Variants in CIMAP3 observed in about 807,000 individuals in gnomAD.
CIMAP3 encodes ciliary microtubule-associated protein 3.
At chr1:111,338,794 A>G in the CIMAP3 span, among the ~76,000 whole-genome samples, 1 of 152,232 alleles carries the variant, frequency 6.6e-6, no homozygotes, top group South Asian at 2.1e-4. Context: ...AACTGGTACC[A>G]TTCCTTCTGA....
chr1:111,348,519 A>G, the CIMAP3 span: 1 of 1,600,498 alleles, frequency 6.2e-7, no homozygotes, highest in African/African-American at 1.4e-5. Context: ...GAAACAGGAA[A>G]TGACACCTCA....
chr1:111,330,335 G>A, the CIMAP3 span, among the ~76,000 whole-genome samples: 6 of 152,172 alleles, frequency 3.9e-5, no homozygotes, highest in Admixed American at 3.9e-4. Context: ...TAACTGCAGT[G>A]TAGATTGAGT....
the CIMAP3 span, among the ~76,000 whole-genome samples, chr1:111,328,003 T>C: frequency 2.0e-5 from 3 of 152,228 alleles, no homozygotes; most frequent in Non-Finnish European, 2.9e-5. Flanking sequence ...AATTTTCCTT[T>C]TAACGCTACT....
At chr1:111,343,457 T>C in the CIMAP3 span, among the ~76,000 whole-genome samples, 8 of 152,322 alleles carry the variant, frequency 5.3e-5, no homozygotes, top group East Asian at 1.5e-3. Context: ...TACTATAAAA[T>C]GTGCATGATG....
At chr1:111,340,011 C>T in the CIMAP3 span, among the ~76,000 whole-genome samples, 105,227 of 150,646 alleles carry the variant, frequency 0.7, 37,422 homozygotes, top group South Asian at 0.79. Flanking sequence ...AACAGAGATA[C>T]AGATCAATGG....
the CIMAP3 span, chr1:111,348,800 T>C: frequency 1.3e-6 from 1 of 787,738 alleles, no homozygotes; most frequent in Non-Finnish European, 1.9e-6. Context: ...TCTCACAGAT[T>C]TCTGGCATTG....
the CIMAP3 span, among the ~76,000 whole-genome samples, chr1:111,342,713 T>A: frequency 6.6e-6 from 1 of 152,184 alleles, no homozygotes; most frequent in African/African-American, 2.4e-5. Flanking sequence ...CAGGGGCAGA[T>A]CTTCTGCAAG....
chr1:111,329,600 C>A, the CIMAP3 span, among the ~76,000 whole-genome samples: 1 of 142,698 alleles, frequency 7.0e-6, no homozygotes, highest in Non-Finnish European at 1.5e-5. Context: ...TGTTGCCCAG[C>A]CTGGAATGCA....
chr1:111,324,665 T>C, the CIMAP3 span: 38 of 959,316 alleles, frequency 4.0e-5, no homozygotes, highest in African/African-American at 6.5e-4. Context: ...CCAGTCTTAG[T>C]TACACCCTTC....
the CIMAP3 span, among the ~76,000 whole-genome samples, chr1:111,334,422 AT>A: frequency 6.6e-6 from 1 of 152,072 alleles, no homozygotes; most frequent in African/African-American, 2.4e-5. Flanking sequence ...AATATATCCA[AT>A]AAAAACCAAA....
At chr1:111,326,615 T>C in the CIMAP3 span, among the ~76,000 whole-genome samples, 1 of 152,130 alleles carries the variant, frequency 6.6e-6, no homozygotes, top group Non-Finnish European at 1.5e-5. Flanking sequence ...ATCCCTTTGA[T>C]ATACTGCTAG....
chr1:111,338,387 C>CA, the CIMAP3 span, among the ~76,000 whole-genome samples: 1 of 151,480 alleles, frequency 6.6e-6, no homozygotes, highest in East Asian at 1.9e-4. Context: ...AAAAACCCTT[C>CA]AAAAAATCAA....
At chr1:111,335,249 T>C in the CIMAP3 span, among the ~76,000 whole-genome samples, 8 of 151,244 alleles carry the variant, frequency 5.3e-5, no homozygotes, top group Admixed American at 2.0e-4. Flanking sequence ...ACAGCTCCGG[T>C]CTACAGCTCC....
chr1:111,341,198 G>A, the CIMAP3 span, among the ~76,000 whole-genome samples: 1 of 148,516 alleles, frequency 6.7e-6, no homozygotes, highest in Admixed American at 6.7e-5. Flanking sequence ...CATACTCTGG[G>A]GACTGTTGTG....
chr1:111,332,913 C>T, the CIMAP3 span, among the ~76,000 whole-genome samples: 1 of 152,222 alleles, frequency 6.6e-6, no homozygotes. Context: ...ATTTGCTCCA[C>T]CAGCCCAGAG....
At chr1:111,352,816 G>T in the CIMAP3 span, 2 of 152,090 alleles carry the variant, frequency 1.3e-5, no homozygotes, top group African/African-American at 2.4e-5. Flanking sequence ...GGATATTGAT[G>T]GGGGTGGAGG....
chr1:111,347,636 TTGG>T, the CIMAP3 span: 1 of 1,212,814 alleles, frequency 8.2e-7, no homozygotes, highest in Non-Finnish European at 1.2e-6. Context: ...TTTTTTTTTT[TTGG>T]TGTTTTTGTT....
chr1:111,336,781 T>A, the CIMAP3 span, among the ~76,000 whole-genome samples: 1 of 152,130 alleles, frequency 6.6e-6, no homozygotes, highest in Non-Finnish European at 1.5e-5. Flanking sequence ...CTGCAGGATA[T>A]TATCCAGGAG....
At chr1:111,343,119 T>G in the CIMAP3 span, among the ~76,000 whole-genome samples, 1 of 152,200 alleles carries the variant, frequency 6.6e-6, no homozygotes, top group African/African-American at 2.4e-5. Flanking sequence ...GCAACAATAC[T>G]TTTTACTTCT....
Sources: gnomAD v4.1 joint callset for allele counts (sites outside exome capture counted in the v4.1 genomes callset) on GRCh38, gnomAD v4.1.1 for gene constraint, MANE v1.5 for transcripts, NCBI Gene and HGNC (gene_info 2026-07-23, HGNC 2026-07-21) for gene names.